The following MEGF6 variants were observed in gnomAD, a reference collection of about 807,000 sequenced individuals.
MEGF6 encodes multiple epidermal growth factor-like domains protein 6.
Under a neutral mutation model 207.1 loss-of-function variants are expected in MEGF6, and 184 were observed. The ratio of observed to expected loss-of-function variants is 0.89; its 90% CI spans 0.79 to 1.00. The LOEUF (loss-of-function observed/expected upper bound fraction) is 1.00, where lower values mean the gene tolerates loss of function less well. MEGF6 is among the 50% of genes least tolerant of loss of function. The probability of loss-of-function intolerance (pLI) is 0.00; values close to 1 mark genes in which losing one functional copy is unlikely to be tolerated. For synonymous variants in MEGF6, 1,038 were observed against 910.0 expected (o/e 1.14, Z -2.53); for missense variants, 2,282 against 2,202.9 (o/e 1.04, Z -0.72).
chr1:3,525,104 G>A (rs1460239809), intron 4 of MEGF6, among the ~76,000 whole-genome samples: 2 of 152,158 alleles, frequency 1.3e-5, no homozygotes, highest in Non-Finnish European at 1.5e-5. Flanking sequence ...ATGCAGCTGG[G>A]GTCAGCCTGG....
At chr1:3,609,311 G>A (rs369562781) in intron 1 of MEGF6, among the ~76,000 whole-genome samples, 13 of 152,296 alleles carry the variant, frequency 8.5e-5, no homozygotes, top group South Asian at 2.1e-4. Context: ...CCTCTCCAGG[G>A]TCCAGCGCAG....
intron 4 of MEGF6, among the ~76,000 whole-genome samples, chr1:3,541,574 G>A (rs1022986540): frequency 9.8e-5 from 15 of 152,286 alleles, no homozygotes; most frequent in African/African-American, 2.6e-4. Flanking sequence ...CGTTTCTCCC[G>A]TGCCTGGGCT....
intron 1 of MEGF6, among the ~76,000 whole-genome samples, chr1:3,605,344 T>A (rs936967599): frequency 2.9e-5 from 4 of 135,612 alleles, no homozygotes; most frequent in Admixed American, 2.3e-4. Context: ...AACATGCTCA[T>A]ACACTCACGC....
rs773189931 is a variant in MEGF6 at position 3,492,814 on chromosome 1, C to T, written c.4388-47G>A. The T allele has an allele frequency of 3.2e-5, 50 of 1,584,580 alleles. No individual in the cohort carries two copies. In the Admixed American group the frequency reaches 8.5e-4, roughly 27 times the overall value. ...AGACAAACCTGAGCATCATCCTTGC[C>T]TTCCCCGCGCCAAGGAGCCTGGGCC... is the stretch of plus-strand genomic sequence containing the variant. On this transcript the variant is annotated intron_variant, in intron 34 of 36. Coordinates refer to ENST00000356575, the MANE Select transcript of MEGF6 (RefSeq NM_001409.4).
chr1:3,584,067 C>T (rs1373619611), intron 3 of MEGF6, among the ~76,000 whole-genome samples: 6 of 152,234 alleles, frequency 3.9e-5, no homozygotes, highest in Non-Finnish European at 8.8e-5. Flanking sequence ...TGAAACTGGG[C>T]AGGTCTGCCT....
chr1:3,618,548 C>T, the MEGF6 span, among the ~76,000 whole-genome samples: 3,267 of 152,254 alleles, frequency 0.021, 121 homozygotes, highest in African/African-American at 0.073. This position sits in a 1 kb window ranked among gnomAD's most constrained non-coding sequence, Gnocchi z 4.7. Context: ...GAATGACACC[C>T]CTGCTACTTC....
rs1225373329 is a variant in MEGF6 at position 3,501,804 on chromosome 1, C to T, written c.2306G>A (p.Cys769Tyr). The change falls in exon 18 of 37, where the codon TGT becomes TAT. Residue 769 changes from cysteine (C) to tyrosine (Y), a missense_variant. Cys to Tyr is a radical substitution (Grantham distance 194). Coordinates refer to ENST00000356575, the MANE Select transcript of MEGF6 (RefSeq NM_001409.4). ...RCPPGRTGED[C>Y]EADCPEGRWG... ...CTGCGGCTGACACTCACCTGCCTCA[C>T]AGTCTTCCCCAGTCCTCCCCGGCGG... The T allele has an allele frequency of 1.2e-5, 19 of 1,609,896 alleles. No homozygotes were observed. The highest frequency in any genetic ancestry group is 1.4e-5 in the Non-Finnish European group (17 of 1,178,768).
rs905276251 is a variant in MEGF6 at position 3,539,339 on chromosome 1, G to A, written c.482-15093C>T. Among the ~76,000 whole-genome samples the A allele has an allele frequency of 5.3e-5, 8 of 152,192 alleles. No homozygotes were observed. The South Asian group carries it at 1.0e-3, about 20-fold the overall frequency. On this transcript the variant is annotated intron_variant, in intron 4 of 36. Transcript: ENST00000356575. ...AGCAGAGATGCATGGGGGAGGGGCCGGGGTGGCTGTGGGAGATAAAAGTAG... is the reference window on the plus strand; with the variant it reads ...AGCAGAGATGCATGGGGGAGGGGCCAGGGTGGCTGTGGGAGATAAAAGTAG...
intron 4 of MEGF6, among the ~76,000 whole-genome samples, chr1:3,541,980 G>A (rs181291525): frequency 7.2e-5 from 11 of 152,350 alleles, no homozygotes; most frequent in East Asian, 3.9e-4. Context: ...AAGCCCCCGC[G>A]GCCAAGTAGC....
chr1:3,502,226 GA>G (rs1471655613), intron 17 of MEGF6, among the ~76,000 whole-genome samples: 1 of 152,164 alleles, frequency 6.6e-6, no homozygotes, highest in Non-Finnish European at 1.5e-5. Context: ...GATGGGAGGA[GA>G]GGGGAGGGGC....
At chr1:3,496,596 T>TGGCC in intron 29 of MEGF6, 59 bp downstream of exon 29, 13 of 1,550,650 alleles carry the variant, frequency 8.4e-6, no homozygotes, top group South Asian at 1.2e-5. Flanking sequence ...GCAGGCTGGC[T>TGGCC]GGCCCTACCC....
chr1:3,516,407 G>C (rs962137748), intron 5 of MEGF6, among the ~76,000 whole-genome samples: 1 of 152,370 alleles, frequency 6.6e-6, no homozygotes, highest in East Asian at 1.9e-4. Context: ...GAAGCCGCAA[G>C]AATGTGCTGT....
chr1:3,608,503 G>T (rs1196492256), intron 1 of MEGF6, among the ~76,000 whole-genome samples: 2 of 152,166 alleles, frequency 1.3e-5, no homozygotes, highest in African/African-American at 4.8e-5. Flanking sequence ...TTGCAAGATT[G>T]GACTTGAGCT....
At chr1:3,610,099 G>C (rs977170721) in intron 1 of MEGF6, among the ~76,000 whole-genome samples, 1 of 152,258 alleles carries the variant, frequency 6.6e-6, no homozygotes, top group African/African-American at 2.4e-5. Flanking sequence ...GACTAGGGCC[G>C]TTCACACTGC....
Position 3,494,651 on chromosome 1 carries a change from G to A in MEGF6, c.3962C>T (p.Ser1321Phe), listed in dbSNP as rs774201546. 1 of 1,565,170 alleles carries A rather than the reference G, an allele frequency of 6.4e-7. No individual in the cohort carries two copies. The highest frequency in any genetic ancestry group is 1.9e-5 in the Admixed American group (1 of 53,316). ...CCGCCCCGTCCAGCCCAGGCCACAGGAGCAGCTGCCGTTGCTGGCGTGGCA... is the reference window on the plus strand; with the variant it reads ...CCGCCCCGTCCAGCCCAGGCCACAGAAGCAGCTGCCGTTGCTGGCGTGGCA... The part of the protein sequence containing the change: ...GLCHASNGSC[S>F]CGLGWTGRHC... The change falls in exon 31 of 37, where the codon TCC (serine) becomes TTC (phenylalanine). Residue 1321 changes from serine to phenylalanine, a missense_variant. Transcript: ENST00000356575.
At chr1:3,509,311 G>T in intron 11 of MEGF6, 66 bp from the exon 12 acceptor site, 1 of 1,357,896 alleles carries the variant, frequency 7.4e-7, no homozygotes, top group South Asian at 1.6e-5. Context: ...ACCCCCCGGC[G>T]GGTAGGGCTG....
At chr1:3,588,423 T>G (rs180734213) in intron 3 of MEGF6, among the ~76,000 whole-genome samples, 174 of 7,922 alleles carry the variant, frequency 0.022, no homozygotes, top group Middle Eastern at 0.083. Flanking sequence ...GGGGCAGGAG[T>G]GGCCAGGAGG....
the MEGF6 span, among the ~76,000 whole-genome samples, chr1:3,616,719 A>C: frequency 6.6e-6 from 1 of 152,188 alleles, no homozygotes; most frequent in Non-Finnish European, 1.5e-5. Context: ...AATTTGCCCC[A>C]AAAGAGAAAG....
At chr1:3,564,022 C>T (rs1269100298) in intron 4 of MEGF6, among the ~76,000 whole-genome samples, 4 of 152,252 alleles carry the variant, frequency 2.6e-5, no homozygotes, top group African/African-American at 9.6e-5. Flanking sequence ...GAAGGACAGC[C>T]GAGAAAGGAA....
Sources: gnomAD v4.1 joint callset for allele counts (sites outside exome capture counted in the v4.1 genomes callset) on GRCh38, gnomAD v4.1.1 for gene constraint, Gnocchi (gnomAD v3.1) non-coding constraint, MANE v1.5 for transcripts, NCBI Gene and HGNC (gene_info 2026-07-23, HGNC 2026-07-21) for gene names.